The following CHKA variants were observed in gnomAD, a reference collection of about 807,000 sequenced individuals.
CHKA encodes choline kinase alpha, also known as CHETK-alpha.
Under a neutral mutation model 60.1 loss-of-function variants are expected in CHKA, and 34 were observed. That is an observed-to-expected ratio of 0.57 (90% CI 0.43 to 0.75). The LOEUF (loss-of-function observed/expected upper bound fraction) is 0.75, where lower values mean the gene tolerates loss of function less well. Ranked by LOEUF, CHKA falls within the 30% of genes least tolerant of loss-of-function variation. The pLI, the probability that CHKA is intolerant of heterozygous loss-of-function variation, is 0.00. For synonymous variants in CHKA, 217 were observed against 223.1 expected, an observed-to-expected ratio of 0.97 and a Z score of 0.24; for missense variants, 563 against 561.3, an observed-to-expected ratio of 1.00 and a Z score of -0.03.
At chr11:68,055,334 G>A (rs1855971049) in intron 11 of CHKA, among the ~76,000 whole-genome samples, 1 of 152,214 alleles carries the variant, frequency 6.6e-6, no homozygotes, top group South Asian at 2.1e-4. Context: ...AGGTTGCAGT[G>A]AGCCAAGATC....
rs184283135 is a variant in CHKA, at chr11:68,104,120, G to A, written c.351-6990C>T. On this transcript the variant is annotated intron_variant, in intron 1 of 11. Transcript: ENST00000265689. ...TCAACAGATGAATAAAGAAAATGTG[G>A]TATATATACACAGTAGAATCCTATT... Among the ~76,000 whole-genome samples, 14 of 152,160 alleles carry A rather than the reference G, an allele frequency of 9.2e-5. No homozygotes were observed. In the East Asian group the frequency reaches 2.1e-3, roughly 23 times the overall value.
chr11:68,110,464 G>C (rs1858090151), intron 1 of CHKA, among the ~76,000 whole-genome samples: 1 of 152,094 alleles, frequency 6.6e-6, no homozygotes, highest in East Asian at 1.9e-4. Context: ...TGACAAATAA[G>C]TGGAATTTGA....
chr11:68,098,325 G>A (rs533149666), intron 1 of CHKA, among the ~76,000 whole-genome samples: 79 of 151,090 alleles, frequency 5.2e-4, no homozygotes, highest in African/African-American at 1.8e-3. Context: ...AATGTCATAG[G>A]AGCTGCGTGA....
Position 68,120,965 on chromosome 11 carries a change from C to A in CHKA, c.213G>T (p.Gln71His). ...CTGCGGGCGGCTGCGGCGGCGGGGG[C>A]TGGGGCAGCGGCAGCGGCAGCGGCA... The part of the protein sequence containing the change: ...PPLPLPLPLP[Q>H]PPPPQPPADE... Residue 71 changes from glutamine (Q) to histidine (H), a missense_variant, in exon 1 of 12, where the codon CAG becomes CAT. Transcript: ENST00000265689. The A allele has an allele frequency of 8.8e-7, 1 of 1,139,408 alleles. No homozygotes were observed. The highest frequency in any genetic ancestry group is 4.7e-5 in the East Asian group (1 of 21,398). 70.6% of individuals were successfully genotyped at this position (1,139,408 alleles called of 1,614,324 possible).
At chr11:68,085,200 A>C (rs1857142122) in intron 2 of CHKA, among the ~76,000 whole-genome samples, 1 of 152,120 alleles carries the variant, frequency 6.6e-6, no homozygotes, top group Non-Finnish European at 1.5e-5. Context: ...TTACTATTTT[A>C]AAGTTAGCTT....
Position 68,053,840 on chromosome 11 carries a change from T to C in CHKA, c.*148A>G, listed in dbSNP as rs1653418622. The stretch of plus-strand genomic sequence containing the variant: ...TGAAATAAACGTCGCTCCATTTTAA[T>C]ACCGTCTTTAGTATCATACACATGT... On this transcript the variant is annotated 3_prime_UTR_variant, in exon 12 of 12. Coordinates refer to ENST00000265689, the MANE Select transcript of CHKA (RefSeq NM_001277.3). The C allele has an allele frequency of 1.8e-6, 1 of 565,632 alleles. No homozygotes were observed. Among genetic ancestry groups the C allele is most frequent in the South Asian group, 2.4e-5 (1 of 41,676 alleles). The allele number at this position is 565,632 out of a possible 1,614,324, so 35.0% of individuals were successfully genotyped here. A position where few individuals can be genotyped will look rare whatever the true frequency, so the allele number is the denominator to read the frequency against.
chr11:68,109,586 A>G (rs564728750), intron 1 of CHKA, among the ~76,000 whole-genome samples: 2 of 152,276 alleles, frequency 1.3e-5, no homozygotes, highest in South Asian at 2.1e-4. Flanking sequence ...AAATGGGTAA[A>G]GTTCACAGTC....
At chr11:68,065,110 C>T (rs886777464) in intron 9 of CHKA, among the ~76,000 whole-genome samples, 1 of 152,184 alleles carries the variant, frequency 6.6e-6, no homozygotes, top group Non-Finnish European at 1.5e-5. Context: ...AAGATATTTC[C>T]TCCCACTACT....
chr11:68,065,940 G>A, intron 8 of CHKA, 46 bp from the exon 9 acceptor site: 1 of 1,346,242 alleles, frequency 7.4e-7, no homozygotes, highest in Non-Finnish European at 1.1e-6. Context: ...CAAACCGTAT[G>A]CCTGGAGGCT....
chr11:68,065,057 C>T (rs906291739), intron 9 of CHKA, among the ~76,000 whole-genome samples: 1 of 152,182 alleles, frequency 6.6e-6, no homozygotes, highest in African/African-American at 2.4e-5. Context: ...AATCACCAGC[C>T]TCCTCCCATC....
chr11:68,097,031 C>T lies in CHKA; in HGVS notation c.450G>A (p.Ala150=), dbSNP rs773313547. The change falls in exon 2 of 12, where the codon GCG becomes GCA. Residue 150 remains alanine (A), a synonymous_variant. Coordinates refer to ENST00000265689, the MANE Select transcript of CHKA (RefSeq NM_001277.3). Reference sequence around the variant, plus strand: ...CCTACCAACTCACCATCTGCAAAATCGCTCCATACAGCCGCAGGAGCACTT... The same window carrying T: ...CCTACCAACTCACCATCTGCAAAATTGCTCCATACAGCCGCAGGAGCACTT... The part of the protein sequence containing the change: ...PRKVLLRLYG[A]ILQMRSCNKE... 12 of 1,611,346 alleles carry T rather than the reference C, an allele frequency of 7.4e-6. No homozygotes were observed. Among genetic ancestry groups the T allele is most frequent in the South Asian group, 2.2e-5 (2 of 90,408 alleles).
intron 11 of CHKA, chr11:68,061,588 T>G: frequency 5.3e-6 from 2 of 375,034 alleles, no homozygotes; most frequent in Non-Finnish European, 1.1e-5. Flanking sequence ...CCACCCACTC[T>G]TCTTCACTTA....
At position 68,079,871 on chromosome 11, in the gene CHKA, C is replaced by T. The variant is rs138170801; in HGVS notation, c.516+1533G>A. ...CCCTTTGGCCTATAGATCAGGTGAC[C>T]GAGGGAGACAGGACAACATGAGAAG... On this transcript the variant is annotated intron_variant, in intron 3 of 11. Coordinates refer to ENST00000265689, the MANE Select transcript of CHKA (RefSeq NM_001277.3). Among the ~76,000 whole-genome samples the T allele has an allele frequency of 1.8e-3, 279 of 152,002 alleles. 1 individual carries two copies. The highest frequency in any genetic ancestry group is 4.4e-3 in the South Asian group (21 of 4,812).
chr11:68,080,751 A>G (rs1437777743), intron 3 of CHKA, among the ~76,000 whole-genome samples: 1 of 152,212 alleles, frequency 6.6e-6, no homozygotes, highest in Non-Finnish European at 1.5e-5. Flanking sequence ...GTGCACATGC[A>G]CCCTTCTCTG....
At chr11:68,111,882 C>T (rs763796254) in intron 1 of CHKA, among the ~76,000 whole-genome samples, 2 of 151,404 alleles carry the variant, frequency 1.3e-5, no homozygotes, top group South Asian at 2.1e-4. Flanking sequence ...GAAGAAACCC[C>T]GTCTCTACTA....
chr11:68,120,978 A>G lies in CHKA; in HGVS notation c.200T>C (p.Leu67Pro), dbSNP rs1590894033. The G allele has an allele frequency of 2.7e-6, 3 of 1,109,062 alleles. No homozygotes were observed. The highest frequency in any genetic ancestry group is 5.1e-5 in the East Asian group (1 of 19,594). The allele number at this position is 1,109,062 out of a possible 1,614,324, so 68.7% of individuals were successfully genotyped here. The part of the protein sequence containing the change: ...LPPPPPLPLP[L>P]PLPQPPPPQP... ...CGGCGGCGGGGGCTGGGGCAGCGGC[A>G]GCGGCAGCGGCAGCGGCGGCGGAGG... The change falls in exon 1 of 12, where the codon CTG becomes CCG. Residue 67 changes from leucine (L) to proline (P), a missense_variant. Coordinates refer to ENST00000265689, the MANE Select transcript of CHKA (RefSeq NM_001277.3).
chr11:68,086,371 G>A (rs965920760), intron 2 of CHKA, among the ~76,000 whole-genome samples: 1 of 152,136 alleles, frequency 6.6e-6, no homozygotes, highest in African/African-American at 2.4e-5. Flanking sequence ...GGACCAAGGA[G>A]GAAGAGATGT....
chr11:68,071,079 C>G (rs910292780), intron 4 of CHKA, among the ~76,000 whole-genome samples: 6 of 152,216 alleles, frequency 3.9e-5, no homozygotes, highest in African/African-American at 1.4e-4. Flanking sequence ...AGATCTATTT[C>G]ATTTTGAACC....
At chr11:68,119,813 C>T (rs1312966289) in intron 1 of CHKA, among the ~76,000 whole-genome samples, 1 of 152,038 alleles carries the variant, frequency 6.6e-6, no homozygotes, top group African/African-American at 2.4e-5. Flanking sequence ...GCACACACTA[C>T]GTTGAATGGT....
Sources: gnomAD v4.1 joint callset for allele counts (sites outside exome capture counted in the v4.1 genomes callset) on GRCh38, gnomAD v4.1.1 for gene constraint, MANE v1.5 for transcripts, NCBI Gene and HGNC (gene_info 2026-07-23, HGNC 2026-07-21) for gene names.